Variants in SNX29 observed in about 807,000 individuals in gnomAD.
SNX29 encodes sorting nexin 29.
Under a neutral mutation model 102.1 loss-of-function variants are expected in SNX29, and 78 were observed. The ratio of observed to expected loss-of-function variants is 0.76; its 90% CI spans 0.64 to 0.92. The LOEUF (loss-of-function observed/expected upper bound fraction) is 0.92. SNX29 is among the 40% of genes least tolerant of loss of function. The probability of loss-of-function intolerance (pLI) is 0.00; values close to 1 mark genes in which losing one functional copy is unlikely to be tolerated. For synonymous variants in SNX29, 580 were observed against 414.5 expected (o/e 1.40, Z -4.85); for missense variants, 1,280 against 1,061.7 (o/e 1.21, Z -2.86).
intron 19 of SNX29, among the ~76,000 whole-genome samples, chr16:12,494,825 C>T (rs1333403802): frequency 6.6e-6 from 1 of 152,206 alleles, no homozygotes; most frequent in African/African-American, 2.4e-5. Context: ...TAGCTCTCCG[C>T]TGTGAGCTGG....
intron 19 of SNX29, among the ~76,000 whole-genome samples, chr16:12,500,495 A>G (rs2089063945): frequency 6.6e-6 from 1 of 152,196 alleles, no homozygotes. Flanking sequence ...TGTCAACCCC[A>G]TGCCGTTATG....
At chr16:12,408,164 ACAAAC>A (rs1197069858) in intron 18 of SNX29, among the ~76,000 whole-genome samples, 46 of 150,004 alleles carry the variant, frequency 3.1e-4, no homozygotes, top group African/African-American at 1.0e-3. Context: ...TCTCAAAAAA[ACAAAC>A]AAACAAACAA....
At position 11,976,751 on chromosome 16, in the gene SNX29, C is replaced by A; in HGVS notation, c.-56C>A. The A allele has an allele frequency of 1.6e-6, 2 of 1,255,082 alleles. No individual in the cohort carries two copies. The highest frequency in any genetic ancestry group is 3.7e-5 in the Admixed American group (1 of 27,076). 77.7% of individuals were successfully genotyped at this position (1,255,082 alleles called of 1,614,324 possible). On this transcript the variant is annotated 5_prime_UTR_variant, in exon 1 of 21. Transcript: ENST00000566228. ...CCCGGCCTGTCTGGAGCTCGGCAGC[C>A]GCAGAAGCGGCAGCGGCGGCGGCGC...
In SNX29 at chr16:12,549,765, T is replaced by G. The variant is rs78248306; in HGVS notation, c.2319-18741T>G. On this transcript the variant is annotated intron_variant, in intron 20 of 20. Transcript: ENST00000566228. ...CATTTACTTTGAGACCTGTTGGTGA[T>G]TAGCAGGTGATTTCTACTTGCAGAC... Among the ~76,000 whole-genome samples, 1,312 of 152,350 alleles carry G rather than the reference T, an allele frequency of 8.6e-3. 30 individuals carry two copies. Among genetic ancestry groups the G allele is most frequent in the East Asian group, 0.079 (409 of 5,178 alleles).
intron 1 of SNX29, chr16:11,977,644 C>T (rs906875396): frequency 6.6e-6 from 1 of 152,390 alleles, no homozygotes; most frequent in African/African-American, 2.4e-5. Context: ...CTCTCACCAT[C>T]GAGGGGGTGG....
chr16:12,187,111 T>A (rs1208769974), intron 13 of SNX29, among the ~76,000 whole-genome samples: 3 of 152,240 alleles, frequency 2.0e-5, no homozygotes. Flanking sequence ...CAGGGCCATA[T>A]TCCTGTCTGC....
chr16:12,320,174 C>T (rs1211126445), intron 15 of SNX29, among the ~76,000 whole-genome samples: 2 of 152,158 alleles, frequency 1.3e-5, no homozygotes, highest in African/African-American at 4.8e-5. Context: ...AGGGCCGACC[C>T]TGACTTCCCA....
chr16:12,250,793 G>A (rs183280901), intron 14 of SNX29, among the ~76,000 whole-genome samples: 2 of 152,198 alleles, frequency 1.3e-5, no homozygotes, highest in African/African-American at 4.8e-5. Flanking sequence ...TAGCATCTGA[G>A]CTCAGTGCAG....
At chr16:12,475,086 A>T (rs1316007330) in intron 18 of SNX29, among the ~76,000 whole-genome samples, 1 of 152,174 alleles carries the variant, frequency 6.6e-6, no homozygotes, top group African/African-American at 2.4e-5. Flanking sequence ...TTCTCTCCAT[A>T]TCACTTTGGG....
Position 12,304,635 on chromosome 16 carries a change from C to T in SNX29, c.1782+26599C>T, listed in dbSNP as rs139457802. On this transcript the variant is annotated intron_variant, in intron 15 of 20. Transcript: ENST00000566228. Reference sequence around the variant, plus strand: ...CTTGAACGCCTGACCTCAAGTGATCCACCTGCCTTGGCCTCCCAAAGTGTT... The same window carrying T: ...CTTGAACGCCTGACCTCAAGTGATCTACCTGCCTTGGCCTCCCAAAGTGTT... Among the ~76,000 whole-genome samples the T allele has an allele frequency of 1.1e-4, 16 of 152,326 alleles. No individual in the cohort carries two copies. In the East Asian group the frequency reaches 2.7e-3, roughly 26 times the overall value.
rs571106821 is a variant in SNX29 at position 12,078,846 on chromosome 16, T to C, written c.1333T>C (p.Ser445Pro). 1.2e-6 allele frequency: 2 copies of C among 1,603,536 alleles called. No individual in the cohort carries two copies. The highest frequency in any genetic ancestry group is 2.2e-5 in the East Asian group (1 of 44,554). The part of the protein sequence containing the change: ...PGLRYSVEAS[S>P]PGHGSPLSSL... ...GCTTTTTCCTAGTGTGGAAGCCAGC[T>C]CTCCAGGCCACGGAAGTCCTCTGAG... The change falls in exon 11 of 21, where the codon TCT becomes CCT. Residue 445 changes from serine (S) to proline (P), a missense_variant. Physicochemically the swap from Ser to Pro is moderately conservative, Grantham distance 74. Transcript: ENST00000566228.
intron 19 of SNX29, among the ~76,000 whole-genome samples, chr16:12,516,711 A>T (rs773319435): frequency 6.6e-6 from 1 of 152,210 alleles, no homozygotes; most frequent in African/African-American, 2.4e-5. Context: ...GATGAAAAGA[A>T]AAAGAACTTT....
chr16:12,360,684 T>G (rs1159464851), intron 16 of SNX29, among the ~76,000 whole-genome samples: 1 of 150,158 alleles, frequency 6.7e-6, no homozygotes, highest in Non-Finnish European at 1.5e-5. Context: ...AATAGTGCAG[T>G]CCCTGACTGA....
At chr16:12,545,379 A>C (rs1409052749) in intron 20 of SNX29, 2 of 152,202 alleles carry the variant, frequency 1.3e-5, no homozygotes, top group African/African-American at 4.8e-5. Flanking sequence ...ATTGTCACAC[A>C]ATAGGTGTAT....
chr16:12,550,038 C>G (rs1189440293), intron 20 of SNX29, among the ~76,000 whole-genome samples: 3 of 152,216 alleles, frequency 2.0e-5, no homozygotes, highest in African/African-American at 7.2e-5. Context: ...GATGGAATGC[C>G]TCCCTGGAGC....
At chr16:12,129,575 G>T in intron 12 of SNX29, 55 bp from the exon 13 acceptor site, 1 of 1,554,206 alleles carries the variant, frequency 6.4e-7, no homozygotes, top group Non-Finnish European at 8.7e-7. Flanking sequence ...TGTGTCCTGG[G>T]CTCAGTGGGG....
intron 20 of SNX29, chr16:12,527,023 C>CA: frequency 2.5e-6 from 1 of 399,928 alleles, no homozygotes; most frequent in Non-Finnish European, 4.8e-6. Context: ...GAGACTGTGG[C>CA]AAATGACACA....
chr16:12,117,193 AAC>A lies in SNX29; in HGVS notation c.1403-9439_1403-9438del, dbSNP rs1567221301. 1.1e-3 allele frequency among the ~76,000 whole-genome samples: 157 copies of A among 145,266 alleles called. 7 individuals carry two copies. The highest frequency in any genetic ancestry group is 2.7e-3 in the African/African-American group (102 of 38,378). ...AACAGGCACGGTCAATACGTGCTTC[AAC>A]GCGGATGAACCGTGGAAACAGGCAT... is the stretch of plus-strand genomic sequence containing the variant. On this transcript the variant is annotated intron_variant, in intron 11 of 20. Transcript: ENST00000566228.
At chr16:12,010,666 A>G (rs1052635077) in intron 3 of SNX29, among the ~76,000 whole-genome samples, 1 of 152,154 alleles carries the variant, frequency 6.6e-6, no homozygotes, top group Non-Finnish European at 1.5e-5. Flanking sequence ...TTTTTAATGA[A>G]CTTTCAGGTG....
Sources: gnomAD v4.1 joint callset for allele counts (sites outside exome capture counted in the v4.1 genomes callset) on GRCh38, gnomAD v4.1.1 for gene constraint, MANE v1.5 for transcripts, NCBI Gene and HGNC (gene_info 2026-07-23, HGNC 2026-07-21) for gene names.